The following DIP2C variants were observed in gnomAD, a reference collection of about 807,000 sequenced individuals.
The protein encoded by DIP2C is disco-interacting protein 2 homolog C.
A neutral mutation model predicts 192.4 loss-of-function variants in DIP2C; 33 were observed. The ratio of observed to expected loss-of-function variants is 0.17; its 90% CI spans 0.13 to 0.23. The LOEUF is 0.23. DIP2C is among the 10% of genes least tolerant of loss of function. The pLI is 1.00. For synonymous variants in DIP2C, 979 were observed against 864.1 expected (o/e 1.13, Z -2.33); for missense variants, 1,537 against 2,110.1 (o/e 0.73, Z 5.32).
chr10:571,895 G>A (rs1206966566), intron 1 of DIP2C, among the ~76,000 whole-genome samples: 1 of 152,202 alleles, frequency 6.6e-6, no homozygotes, highest in Non-Finnish European at 1.5e-5. Flanking sequence ...AATGTAAGCA[G>A]TTCAGCTTCC....
chr10:482,074 C>T (rs1307325156), intron 2 of DIP2C, among the ~76,000 whole-genome samples: 1 of 152,194 alleles, frequency 6.6e-6, no homozygotes, highest in East Asian at 1.9e-4. Flanking sequence ...ACTGAAGGAT[C>T]AGGGGAGAAA....
At chr10:688,301 C>A (rs1831405778) in intron 1 of DIP2C, among the ~76,000 whole-genome samples, 1 of 152,164 alleles carries the variant, frequency 6.6e-6, no homozygotes, top group African/African-American at 2.4e-5. Flanking sequence ...AACCCCACAT[C>A]TGAAACTGAA....
At chr10:366,000 T>C (rs899268944) in intron 19 of DIP2C, among the ~76,000 whole-genome samples, 1 of 152,230 alleles carries the variant, frequency 6.6e-6, no homozygotes, top group African/African-American at 2.4e-5. Context: ...TCAATAATGA[T>C]CCACTTTTCA....
intron 33 of DIP2C, among the ~76,000 whole-genome samples, chr10:287,061 AG>A (rs1187217295): frequency 6.6e-6 from 1 of 152,018 alleles, no homozygotes; most frequent in African/African-American, 2.4e-5. Flanking sequence ...TTTTTCCTGC[AG>A]GTAAACATCT....
chr10:299,152 C>T (rs1472433076), intron 32 of DIP2C, among the ~76,000 whole-genome samples: 1 of 152,160 alleles, frequency 6.6e-6, no homozygotes, highest in African/African-American at 2.4e-5. Context: ...ACAATGTGCA[C>T]ACACAGTTTT....
intron 22 of DIP2C, among the ~76,000 whole-genome samples, chr10:359,844 GTCCTGGGCTCCACTGATTCTCCCA>G (rs1362917114): frequency 6.6e-6 from 1 of 152,130 alleles, no homozygotes; most frequent in Non-Finnish European, 1.5e-5. Flanking sequence ...TGGTCTCGAA[GTCCTGGGCTCCACTGATTCTCCCA>G]TCCTGGCCTC....
At chr10:562,956 G>A (rs1177577613) in intron 1 of DIP2C, among the ~76,000 whole-genome samples, 3 of 152,214 alleles carry the variant, frequency 2.0e-5, no homozygotes, top group Non-Finnish European at 2.9e-5. Context: ...GAACATTGAC[G>A]TGTGCAACCT....
At chr10:367,237 G>GA (rs1960362563) in intron 18 of DIP2C, among the ~76,000 whole-genome samples, 1 of 152,080 alleles carries the variant, frequency 6.6e-6, no homozygotes, top group Non-Finnish European at 1.5e-5. Context: ...CTAACATGGT[G>GA]AAACCCCGTC....
chr10:378,825 G>A (rs888073549), intron 17 of DIP2C, among the ~76,000 whole-genome samples: 1 of 150,346 alleles, frequency 6.7e-6, no homozygotes, highest in African/African-American at 2.5e-5. Flanking sequence ...GAACAGACAT[G>A]CACAGATGTG....
intron 3 of DIP2C, among the ~76,000 whole-genome samples, chr10:452,521 G>A (rs1968932141): frequency 6.6e-6 from 1 of 152,132 alleles, no homozygotes; most frequent in African/African-American, 2.4e-5. Context: ...AATAATCCCA[G>A]TCCAACTCAA....
intron 1 of DIP2C, among the ~76,000 whole-genome samples, chr10:544,470 C>T (rs1465133713): frequency 6.6e-5 from 10 of 152,200 alleles, no homozygotes; most frequent in East Asian, 1.9e-4. Flanking sequence ...ATTGCTGGGT[C>T]GTACAGTGAT....
chr10:321,471 A>C (rs1333566011), intron 31 of DIP2C, among the ~76,000 whole-genome samples: 1 of 152,160 alleles, frequency 6.6e-6, no homozygotes, highest in African/African-American at 2.4e-5. Context: ...CTGGAGATAA[A>C]ACTCTTCCCT....
intron 1 of DIP2C, among the ~76,000 whole-genome samples, chr10:510,326 T>G (rs1845927196): frequency 6.6e-6 from 1 of 152,236 alleles, no homozygotes; most frequent in African/African-American, 2.4e-5. Flanking sequence ...CCCTGCTCTG[T>G]GTCCTAGGGT....
chr10:489,788 T>C (rs1394591335), intron 1 of DIP2C, among the ~76,000 whole-genome samples: 3 of 95,972 alleles, frequency 3.1e-5, no homozygotes, highest in African/African-American at 9.0e-5. Flanking sequence ...CACTTCACAC[T>C]AGGGACACGG....
Position 364,869 on chromosome 10 carries a change from A to G in DIP2C, c.2269-287T>C, listed in dbSNP as rs61027078. 3.9e-3 allele frequency: 2,464 copies of G among 628,134 alleles called. 48 individuals are homozygous for G. In the African/African-American group the frequency reaches 0.04, roughly 10 times the overall value. The allele number at this position is 628,134 out of a possible 1,614,324, so 38.9% of individuals were successfully genotyped here. On this transcript the variant is annotated intron_variant, in intron 19 of 36. Transcript: ENST00000280886. ...AACAGATAACACCCAGAAGTCTCAC[A>G]GGAGGCCAATCAGCAGTAACTGATT...
At chr10:359,814 T>C (rs562732930) in intron 22 of DIP2C, among the ~76,000 whole-genome samples, 2 of 152,224 alleles carry the variant, frequency 1.3e-5, no homozygotes, top group South Asian at 4.2e-4. Flanking sequence ...TGAGACAGAA[T>C]CTGACTATGT....
In DIP2C at chr10:413,931, G is replaced by A. The variant is rs749514166; in HGVS notation, c.1039C>T (p.Leu347Phe). 1 of 1,613,986 alleles carries A rather than the reference G, an allele frequency of 6.2e-7. No individual in the cohort carries two copies. The highest frequency in any genetic ancestry group is 8.5e-7 in the Non-Finnish European group (1 of 1,179,976). Residue 347 changes from leucine to phenylalanine, a missense_variant, in exon 8 of 37, where the codon CTC (leucine) becomes TTC (phenylalanine). Leu to Phe is a conservative substitution (Grantham distance 22, BLOSUM62 0). Coordinates refer to ENST00000280886, the MANE Select transcript of DIP2C (RefSeq NM_014974.3). ...LTTMDTNGKP[L>F]YILTYGKLWT... ...GGATTACCGTAAGTGAGGATGTAGA[G>A]GGGCTTCCCGTTGGTGTCCATGGTG...
chr10:387,888 T>C (rs988752969), intron 13 of DIP2C, 79 bp from the exon 14 acceptor site: 6 of 1,379,966 alleles, frequency 4.3e-6, no homozygotes, highest in Non-Finnish European at 6.2e-6. Context: ...AATCCAATAT[T>C]GCATCAGGGG....
chr10:428,950 T>C (rs1966764326), intron 4 of DIP2C, among the ~76,000 whole-genome samples: 1 of 152,140 alleles, frequency 6.6e-6, no homozygotes, highest in African/African-American at 2.4e-5. Context: ...GTCTCACTTA[T>C]CCTTTCCAAC....
Sources: allele counts gnomAD v4.1 joint callset (sites outside exome capture counted in the v4.1 genomes callset), GRCh38; gene constraint gnomAD v4.1.1; transcripts MANE v1.5; gene names NCBI Gene and HGNC (gene_info 2026-07-23, HGNC 2026-07-21).